The following DENND4C variants were observed in gnomAD, a reference collection of about 807,000 sequenced individuals.
DENND4C encodes the protein DENN domain-containing protein 4C.
A neutral mutation model predicts 203.0 loss-of-function variants in DENND4C; 108 were observed. That is an observed-to-expected ratio of 0.53 (90% confidence interval 0.46 to 0.62). DENND4C has a LOEUF of 0.62. Among genes scored for constraint, DENND4C ranks in the 20% least tolerant of loss-of-function variants. The pLI is 0.00. For missense variants in DENND4C, 2,481 were observed against 2,301.2 expected (o/e 1.08, Z -1.60); for synonymous variants, 871 against 792.4 (o/e 1.10, Z -1.67).
chr9:19,244,674 A>G (rs1205113360), intron 1 of DENND4C, among the ~76,000 whole-genome samples: 1 of 148,946 alleles, frequency 6.7e-6, no homozygotes, highest in African/African-American at 2.5e-5. Context: ...CGGGAGGTGG[A>G]GGTTGCAGTG....
Position 19,369,928 on chromosome 9 carries a change from T to A in DENND4C, c.5616T>A (p.Asn1872Lys), listed in dbSNP as rs768255013. 6.2e-7 allele frequency: 1 copy of A among 1,613,902 alleles called. No individual in the cohort carries two copies. The highest frequency in any genetic ancestry group is 1.7e-5 in the Admixed American group (1 of 60,000). The change falls in exon 31 of 33, where the codon AAT becomes AAA. Residue 1872 changes from asparagine (N) to lysine (K), a missense_variant. Asn to Lys is a moderately conservative substitution (Grantham distance 94, BLOSUM62 0). This residue lies in a region of DENND4C where 2,289 missense variants were observed against 2,113.3 expected (regional missense o/e 1.08). Coordinates refer to ENST00000434457, the MANE Select transcript of DENND4C (RefSeq NM_001330640.2). ...ETIRQSIQHN[N>K]VLKPINLLSQ... ...TCAGGCAGAGTATTCAGCACAATAA[T>A]GTTCTTAAACCCATCAACCTACTTT...
chr9:19,242,869 T>C (rs1173363881), intron 1 of DENND4C, among the ~76,000 whole-genome samples: 1 of 152,084 alleles, frequency 6.6e-6, no homozygotes. Context: ...TTGGCTAGGC[T>C]AGTCTCGATC....
intron 2 of DENND4C, among the ~76,000 whole-genome samples, chr9:19,280,074 G>A (rs747000390): frequency 2.0e-5 from 3 of 152,006 alleles, no homozygotes; most frequent in Non-Finnish European, 2.9e-5. Flanking sequence ...ATAGGTGACT[G>A]GATTAGCTTT....
chr9:19,293,712 G>C (rs556507561), intron 5 of DENND4C, among the ~76,000 whole-genome samples: 9 of 152,198 alleles, frequency 5.9e-5, no homozygotes, highest in Non-Finnish European at 1.2e-4. Flanking sequence ...TATATGCCTG[G>C]TAGCTCTGTA....
intron 23 of DENND4C, among the ~76,000 whole-genome samples, chr9:19,350,280 AAAG>A (rs1165169580): frequency 6.6e-6 from 1 of 152,254 alleles, no homozygotes; most frequent in African/African-American, 2.4e-5. Flanking sequence ...ATTAAAAGTT[AAAG>A]AAGTTTAGTA....
At chr9:19,259,505 CTTTTTT>C (rs1021585159) in intron 1 of DENND4C, among the ~76,000 whole-genome samples, 5 of 131,500 alleles carry the variant, frequency 3.8e-5, no homozygotes, top group Non-Finnish European at 8.0e-5. Flanking sequence ...TTTCTTTTTT[CTTTTTT>C]TTTTTTTTTT....
intron 1 of DENND4C, among the ~76,000 whole-genome samples, chr9:19,261,243 C>T (rs1829277970): frequency 6.6e-6 from 1 of 152,090 alleles, no homozygotes; most frequent in Admixed American, 6.6e-5. Flanking sequence ...ATGCCACTGA[C>T]ATGCTGTTTG....
At chr9:19,348,548 T>C (rs1010957614) in intron 23 of DENND4C, among the ~76,000 whole-genome samples, 7 of 152,152 alleles carry the variant, frequency 4.6e-5, no homozygotes, top group African/African-American at 1.7e-4. Flanking sequence ...CAAGGTAATA[T>C]AATCAATTTC....
chr9:19,279,616 G>A (rs1007805170), intron 2 of DENND4C, among the ~76,000 whole-genome samples: 2 of 151,848 alleles, frequency 1.3e-5, no homozygotes, highest in Non-Finnish European at 2.9e-5. Context: ...GGTGGAGGTT[G>A]CAGTGAGCCA....
chr9:19,236,576 G>A (rs1822022923), intron 1 of DENND4C, among the ~76,000 whole-genome samples: 1 of 152,168 alleles, frequency 6.6e-6, no homozygotes, highest in African/African-American at 2.4e-5. Flanking sequence ...TAAATATTTT[G>A]GCTCCATTAA....
chr9:19,240,680 A>C (rs944878303), intron 1 of DENND4C, among the ~76,000 whole-genome samples: 7 of 151,296 alleles, frequency 4.6e-5, no homozygotes, highest in Non-Finnish European at 8.8e-5. Flanking sequence ...AACAAAAAAA[A>C]AAAAGGCCAG....
rs753295343 is a variant in DENND4C, at chr9:19,342,695, C to T, written c.3067C>T (p.Pro1023Ser). ...ACAACCTAGTCCAGAGCCTCACAGT[C>T]CTACTGAACCTCCTGCATGGGGCAG... ...HSQPSPEPHS[P>S]TEPPAWGSSI... Residue 1023 changes from proline to serine, a missense_variant, in exon 22 of 33, where the codon CCT becomes TCT. Physicochemically the swap from Pro to Ser is moderately conservative, Grantham distance 74. Around this residue, in one of 3 missense-constraint regions of DENND4C, gnomAD observed 2,289 missense variants for 2,113.3 expected, o/e 1.08. Transcript: ENST00000434457. 2.5e-6 allele frequency: 4 copies of T among 1,613,548 alleles called. No homozygotes were observed. Among genetic ancestry groups the T allele is most frequent in the Non-Finnish European group, 2.5e-6 (3 of 1,179,744 alleles).
At chr9:19,331,207 C>CTTTTTTTTTTTTTTTTTTTTTTTT (rs750304776) in intron 16 of DENND4C, among the ~76,000 whole-genome samples, 1 of 141,818 alleles carries the variant, frequency 7.1e-6, no homozygotes, top group Non-Finnish European at 1.5e-5. Context: ...GGAATAGGTC[C>CTTTTTTTTTTTTTTTTTTTTTTTT]TTTTTTTTTT....
Position 19,346,400 on chromosome 9 carries a change from G to A in DENND4C, c.3631G>A (p.Asp1211Asn). The A allele has an allele frequency of 1.9e-6, 3 of 1,614,120 alleles. No homozygotes were observed. In the African/African-American group the frequency reaches 4.0e-5, roughly 22 times the overall value. The change falls in exon 23 of 33, where the codon GAT becomes AAT. Residue 1211 changes from aspartate to asparagine, a missense_variant. By Grantham distance (23) the Asp-to-Asn change is conservative. Transcript: ENST00000434457. Reference sequence around the variant, plus strand: ...AGATACATATGAGAGTCTACTAAGTGATAGTAACAGTAATCAGTCCAGAGA... The same window carrying A: ...AGATACATATGAGAGTCTACTAAGTAATAGTAACAGTAATCAGTCCAGAGA... ...TVDTYESLLS[D>N]SNSNQSRDLK...
Position 19,346,442 on chromosome 9 carries a change from A to C in DENND4C, c.3673A>C (p.Lys1225Gln). 4.3e-6 allele frequency: 7 copies of C among 1,614,194 alleles called. No homozygotes were observed. The highest frequency in any genetic ancestry group is 5.9e-6 in the Non-Finnish European group (7 of 1,180,034). Residue 1225 changes from lysine (K) to glutamine (Q), a missense_variant, in exon 23 of 33, where the codon AAA (lysine) becomes CAA (glutamine). Physicochemically the swap from Lys to Gln is moderately conservative, Grantham distance 53. Coordinates refer to ENST00000434457, the MANE Select transcript of DENND4C (RefSeq NM_001330640.2). ...NQSRDLKTVS[K>Q]DLRNKRSSLY... ...GTCCAGAGACTTGAAAACAGTATCCAAAGATCTGAGGAATAAGAGAAGTAG... is the reference window on the plus strand; with the variant it reads ...GTCCAGAGACTTGAAAACAGTATCCCAAGATCTGAGGAATAAGAGAAGTAG...
At chr9:19,235,506 G>T (rs745900088) in intron 1 of DENND4C, among the ~76,000 whole-genome samples, 1 of 148,260 alleles carries the variant, frequency 6.7e-6, no homozygotes, top group Non-Finnish European at 1.5e-5. Flanking sequence ...TTATACTTAA[G>T]TAATATTGTG....
chr9:19,329,354 C>T (rs1228809734), intron 16 of DENND4C, among the ~76,000 whole-genome samples: 1 of 152,128 alleles, frequency 6.6e-6, no homozygotes, highest in East Asian at 1.9e-4. Context: ...TTTAGTGTAA[C>T]ATTTCAGGAT....
rs553689119 is a variant in DENND4C, at chr9:19,337,667, C to T, written c.2881+835C>T. The T allele has an allele frequency of 8.0e-5, 103 of 1,288,556 alleles. 1 individual carries two copies. The South Asian group carries it at 1.2e-3, about 15-fold the overall frequency. The allele number at this position is 1,288,556 out of a possible 1,614,324, so 79.8% of individuals were successfully genotyped here. On this transcript the variant is annotated intron_variant, in intron 20 of 32. Transcript: ENST00000434457. ...TAATTCTACCCTTGAATGTTAACCA[C>T]ATCAGGTAATTTCCCATTTATTAGG...
At chr9:19,327,997 A>G in intron 15 of DENND4C, 33 bp from the exon 16 acceptor site, 1 of 1,569,158 alleles carries the variant, frequency 6.4e-7, no homozygotes, top group Non-Finnish European at 8.6e-7. Flanking sequence ...GGTGTGTTTT[A>G]AATCAGCAGT....
Sources: allele counts gnomAD v4.1 joint callset (sites outside exome capture counted in the v4.1 genomes callset), GRCh38; gene constraint gnomAD v4.1.1; regional missense constraint gnomAD v4.1.1; transcripts MANE v1.5; gene names NCBI Gene and HGNC (gene_info 2026-07-23, HGNC 2026-07-21).